The following TRIT1 variants were observed in gnomAD, a reference collection of about 807,000 sequenced individuals.
TRIT1 encodes the protein tRNA dimethylallyltransferase.
In TRIT1, 43 loss-of-function variants were observed where a neutral mutation model predicts 51.2. That is an observed-to-expected ratio of 0.84 (90% confidence interval 0.66 to 1.08). TRIT1 has a LOEUF of 1.08. TRIT1 is among the 50% of genes least tolerant of loss of function. The probability of loss-of-function intolerance (pLI) is 0.00; values close to 1 mark genes in which losing one functional copy is unlikely to be tolerated. For synonymous variants in TRIT1, 184 were observed against 203.9 expected (o/e 0.90, Z 0.83); for missense variants, 528 against 578.4 (o/e 0.91, Z 0.89).
intron 1 of TRIT1, among the ~76,000 whole-genome samples, chr1:39,866,897 T>G (rs892141130): frequency 2.6e-5 from 4 of 151,938 alleles, no homozygotes; most frequent in Non-Finnish European, 5.9e-5. Flanking sequence ...GAGACTGAGG[T>G]GGGAGGACTG....
At chr1:39,847,501 T>A (rs967556185) in intron 7 of TRIT1, 47 bp downstream of exon 7, 7 of 1,593,038 alleles carry the variant, frequency 4.4e-6, no homozygotes, top group African/African-American at 1.3e-5. Flanking sequence ...CAGAGTACCC[T>A]GCCACCCAAA....
At chr1:39,847,872 G>T in intron 6 of TRIT1, 114 bp downstream of exon 6, 1 of 1,339,124 alleles carries the variant, frequency 7.5e-7, no homozygotes, top group Non-Finnish European at 1.0e-6. Flanking sequence ...TTAAAAAACT[G>T]CATCTGCAAA....
rs1557596070 is a variant in TRIT1 at position 39,883,350 on chromosome 1, C to T, written c.142G>A (p.Gly48Ser). ...TLALQLGQRL[G>S]GEIVSADSMQ... The stretch of plus-strand genomic sequence containing the variant: ...GAGTCAGCGCTGACGATCTCACCGC[C>T]GAGCCGCTGGCCTAGCTGCAACGCC... Residue 48 changes from glycine to serine, a missense_variant, in exon 1 of 11, where the codon GGC becomes AGC. By Grantham distance (56) the Gly-to-Ser change is moderately conservative (BLOSUM62 0). Around this residue, in one of 3 missense-constraint regions of TRIT1, gnomAD observed 468 missense variants for 522.6 expected, o/e 0.90. Transcript: ENST00000316891. 6.2e-6 allele frequency: 10 copies of T among 1,610,998 alleles called. No individual in the cohort carries two copies. Among genetic ancestry groups the T allele is most frequent in the Middle Eastern group, 1.7e-4 (1 of 5,724 alleles).
At chr1:39,850,769 T>C (rs1412247609) in intron 4 of TRIT1, among the ~76,000 whole-genome samples, 1 of 152,182 alleles carries the variant, frequency 6.6e-6, no homozygotes, top group East Asian at 1.9e-4. Flanking sequence ...TTGGGACACT[T>C]TGTAACAAGC....
At chr1:39,866,552 A>T (rs1368317812) in intron 1 of TRIT1, among the ~76,000 whole-genome samples, 2 of 152,174 alleles carry the variant, frequency 1.3e-5, no homozygotes, top group Admixed American at 1.3e-4. Context: ...CTTTTTTTAA[A>T]CATAACTTCA....
intron 1 of TRIT1, among the ~76,000 whole-genome samples, chr1:39,872,630 A>G (rs975863663): frequency 1.3e-5 from 2 of 152,152 alleles, no homozygotes; most frequent in African/African-American, 4.8e-5. Flanking sequence ...TTTAATATAC[A>G]TACAGATAGA....
intron 1 of TRIT1, among the ~76,000 whole-genome samples, chr1:39,868,990 G>T (rs1459067707): frequency 6.6e-6 from 1 of 152,124 alleles, no homozygotes; most frequent in Non-Finnish European, 1.5e-5. Context: ...AACCGATGAG[G>T]CAGAGGTTGC....
At chr1:39,864,711 T>G (rs990236589) in intron 1 of TRIT1, among the ~76,000 whole-genome samples, 1 of 152,098 alleles carries the variant, frequency 6.6e-6, no homozygotes, top group African/African-American at 2.4e-5. Flanking sequence ...GTTTTTTACG[T>G]GTACAGCCAA....
In TRIT1 at chr1:39,850,231, G is replaced by A. The variant is rs1004798728; in HGVS notation, c.591C>T (p.Ile197=). 10 of 1,614,040 alleles carry A rather than the reference G, an allele frequency of 6.2e-6. No homozygotes were observed. In the Admixed American group the frequency reaches 6.7e-5, roughly 11 times the overall value. The change falls in exon 5 of 11, where the codon ATC becomes ATT. Residue 197 remains isoleucine, a synonymous_variant. Transcript: ENST00000316891. The stretch of plus-strand genomic sequence containing the variant: ...GACGATGGAGAAATTCACTATGAGA[G>A]ATTCCTGTTTCTTCAAAAACTTGCA... The part of the protein sequence containing the change: ...RSLQVFEETG[I]SHSEFLHRQH...
chr1:39,871,411 C>G (rs1372930899), intron 1 of TRIT1, among the ~76,000 whole-genome samples: 1 of 152,118 alleles, frequency 6.6e-6, no homozygotes. Flanking sequence ...GTGAAACCGT[C>G]TCTACAAAAA....
intron 1 of TRIT1, among the ~76,000 whole-genome samples, chr1:39,871,279 A>T (rs2124668955): frequency 6.6e-6 from 1 of 152,334 alleles, no homozygotes; most frequent in African/African-American, 2.4e-5. Flanking sequence ...GACGCATGCA[A>T]CAACATGGAA....
At position 39,869,847 on chromosome 1, in the gene TRIT1, A is replaced by G. The variant is rs191659855; in HGVS notation, c.175-12430T>C. ...CCGCCCGGCAGCCGCCCCGTCTGGG[A>G]AGTGAGGAGCGTCTCTGCCAGGCAG... On this transcript the variant is annotated intron_variant, in intron 1 of 10. Coordinates refer to ENST00000316891, the MANE Select transcript of TRIT1 (RefSeq NM_017646.6). Among the ~76,000 whole-genome samples the G allele has an allele frequency of 9.2e-3, 1,393 of 151,794 alleles. 26 individuals are homozygous for G. Among genetic ancestry groups the G allele is most frequent in the Non-Finnish European group, 0.01 (684 of 67,946 alleles).
At position 39,862,293 on chromosome 1, in the gene TRIT1, G is replaced by A. The variant is rs147774775; in HGVS notation, c.175-4876C>T. On this transcript the variant is annotated intron_variant, in intron 1 of 10. Transcript: ENST00000316891. ...AAAATGGCCACCGAAATGGTTAATG[G>A]TCAATGTTATATCACAATTTAAAAA... is the stretch of plus-strand genomic sequence containing the variant. Among the ~76,000 whole-genome samples the A allele has an allele frequency of 2.9e-3, 428 of 147,948 alleles. 1 individual carries two copies. The highest frequency in any genetic ancestry group is 0.01 in the African/African-American group (416 of 39,734).
intron 1 of TRIT1, among the ~76,000 whole-genome samples, chr1:39,857,998 CA>C (rs1026005356): frequency 2.6e-5 from 4 of 152,168 alleles, no homozygotes; most frequent in African/African-American, 7.2e-5. Context: ...ATTACTGCTT[CA>C]GGGGTCAGCA....
intron 4 of TRIT1, among the ~76,000 whole-genome samples, chr1:39,850,558 A>T (rs186186039): frequency 6.6e-5 from 10 of 152,348 alleles, no homozygotes; most frequent in African/African-American, 2.4e-4. Context: ...AAAGACATGA[A>T]GGTCTAGGGT....
At chr1:39,868,611 T>A (rs1384336187) in intron 1 of TRIT1, among the ~76,000 whole-genome samples, 1 of 132,664 alleles carries the variant, frequency 7.5e-6, no homozygotes, top group Non-Finnish European at 1.5e-5. Context: ...GCCATTGCAC[T>A]CCAGCCTGGG....
chr1:39,869,109 G>A (rs1189224050), intron 1 of TRIT1, among the ~76,000 whole-genome samples: 1 of 149,058 alleles, frequency 6.7e-6, no homozygotes, highest in Non-Finnish European at 1.5e-5. Flanking sequence ...CTCTCCCCAT[G>A]GTCTCCCTCT....
chr1:39,848,027 ATC>A lies in TRIT1; in HGVS notation c.772_773del (p.Asp258PhefsTer6). The A allele has an allele frequency of 4.3e-6, 7 of 1,614,092 alleles. No homozygotes were observed. Among genetic ancestry groups the A allele is most frequent in the Non-Finnish European group, 5.9e-6 (7 of 1,180,006 alleles). On this transcript the variant is annotated frameshift_variant, in exon 6 of 11. Transcript: ENST00000316891. LOFTEE classifies it high-confidence loss of function. ...TCTTCTGATTATAGCGTCTGTGAAA[ATC>A]TCTTAGTTCCTCCAAGAGCCCAGCA... Reference protein sequence around the residue: ...LAAGLLEELRDFHRRYNQKNV... With the variant: ...LAAGLLEELRXFHRRYNQKNV...
intron 1 of TRIT1, among the ~76,000 whole-genome samples, chr1:39,876,538 A>ATCTATCTATCTATCTATCTT (rs1644059228): frequency 6.8e-6 from 1 of 146,442 alleles, no homozygotes; most frequent in African/African-American, 2.5e-5. Flanking sequence ...GTATCTATCT[A>ATCTATCTATCTATCTATCTT]TCTATCTATC....
Sources: gnomAD v4.1 joint callset for allele counts (sites outside exome capture counted in the v4.1 genomes callset) on GRCh38, gnomAD v4.1.1 for gene constraint, gnomAD v4.1.1 regional missense constraint, MANE v1.5 for transcripts, NCBI Gene and HGNC (gene_info 2026-07-23, HGNC 2026-07-21) for gene names.